The following LRRC8B variants were observed in gnomAD, a reference collection of about 807,000 sequenced individuals.
The protein encoded by LRRC8B is leucine rich repeat containing 8 VRAC subunit B.
LRRC8B carries 23 observed loss-of-function variants against 58.8 expected under a neutral mutation model. The observed-to-expected ratio is 0.39, with a 90% confidence interval of 0.28 to 0.55. The LOEUF is 0.55. Ranked by LOEUF, LRRC8B falls within the 20% of genes least tolerant of loss-of-function variation. The probability of loss-of-function intolerance (pLI) is 0.62; values close to 1 mark genes in which losing one functional copy is unlikely to be tolerated. For missense variants in LRRC8B, 694 were observed against 936.0 expected (o/e 0.74, Z 3.37); for synonymous variants, 359 against 374.1 (o/e 0.96, Z 0.47).
chr1:89,552,611 G>A lies in LRRC8B; in HGVS notation c.-240-15636G>A, dbSNP rs543705387. Among the ~76,000 whole-genome samples the A allele has an allele frequency of 3.3e-5, 5 of 152,254 alleles. No homozygotes were observed. The East Asian group carries it at 9.6e-4, about 29-fold the overall frequency. On this transcript the variant is annotated intron_variant, in intron 1 of 5. Transcript: ENST00000330947. ...CCACAGAAAAATAATTAAGAGAAATGTGATTTACTTGTTACCTAAGAAGCA... is the reference window on the plus strand; with the variant it reads ...CCACAGAAAAATAATTAAGAGAAATATGATTTACTTGTTACCTAAGAAGCA...
chr1:89,557,244 G>C (rs1165283900), intron 1 of LRRC8B, among the ~76,000 whole-genome samples: 1 of 152,008 alleles, frequency 6.6e-6, no homozygotes. Flanking sequence ...TTCACAGTAG[G>C]ACCCAAATAT....
chr1:89,527,360 C>T (rs982440808), intron 1 of LRRC8B, among the ~76,000 whole-genome samples: 40 of 152,180 alleles, frequency 2.6e-4, no homozygotes, highest in Admixed American at 1.3e-3. Flanking sequence ...TTCTACCACA[C>T]CCTGATATTA....
chr1:89,545,858 C>T (rs1265554724), intron 1 of LRRC8B, among the ~76,000 whole-genome samples: 7 of 152,004 alleles, frequency 4.6e-5, no homozygotes, highest in East Asian at 1.9e-4. Flanking sequence ...AGGGGGTGGA[C>T]GGGAAATGTT....
chr1:89,585,734 G>A (rs974810665), intron 5 of LRRC8B, among the ~76,000 whole-genome samples: 18 of 151,990 alleles, frequency 1.2e-4, no homozygotes, highest in African/African-American at 4.3e-4. Flanking sequence ...GCTTGAACCC[G>A]GGAGGTGGAG....
intron 1 of LRRC8B, among the ~76,000 whole-genome samples, chr1:89,530,291 G>A (rs570532734): frequency 9.8e-4 from 148 of 151,774 alleles, no homozygotes; most frequent in African/African-American, 3.2e-3. Context: ...CCCGGGAGGC[G>A]GAGCTTGCAG....
At chr1:89,535,003 C>T (rs1436434144) in intron 1 of LRRC8B, among the ~76,000 whole-genome samples, 1 of 151,854 alleles carries the variant, frequency 6.6e-6, no homozygotes, top group Non-Finnish European at 1.5e-5. Flanking sequence ...ATTTTTACAC[C>T]CCAAGGCAAT....
intron 1 of LRRC8B, among the ~76,000 whole-genome samples, chr1:89,531,832 A>G (rs1650157808): frequency 6.6e-6 from 1 of 152,182 alleles, no homozygotes; most frequent in African/African-American, 2.4e-5. Flanking sequence ...TTCAATCATA[A>G]TGCAGTTTCT....
chr1:89,557,993 T>C (rs1229917278), intron 1 of LRRC8B, among the ~76,000 whole-genome samples: 2 of 152,040 alleles, frequency 1.3e-5, no homozygotes, highest in Non-Finnish European at 2.9e-5. Context: ...TCTGTAAGCA[T>C]AGACACCAGT....
chr1:89,563,013 G>A (rs1195921976), intron 1 of LRRC8B, among the ~76,000 whole-genome samples: 1 of 152,042 alleles, frequency 6.6e-6, no homozygotes, highest in African/African-American at 2.4e-5. Flanking sequence ...TATGAACAAA[G>A]CAAATTCAAC....
chr1:89,538,310 G>A (rs1650690198), intron 1 of LRRC8B, among the ~76,000 whole-genome samples: 1 of 152,196 alleles, frequency 6.6e-6, no homozygotes, highest in Non-Finnish European at 1.5e-5. Flanking sequence ...GAAGTGGGAA[G>A]ATTTCTCTTT....
intron 3 of LRRC8B, chr1:89,572,704 A>C (rs1653556562): frequency 6.6e-6 from 1 of 152,132 alleles, no homozygotes; most frequent in African/African-American, 2.4e-5. Flanking sequence ...GGTGGTCAGG[A>C]AAATAGTCTT....
intron 3 of LRRC8B, among the ~76,000 whole-genome samples, chr1:89,578,357 A>G (rs1218679077): frequency 6.6e-6 from 1 of 152,222 alleles, no homozygotes; most frequent in Non-Finnish European, 1.5e-5. Flanking sequence ...TGTCTTTATC[A>G]TGCTCAGTGC....
intron 1 of LRRC8B, among the ~76,000 whole-genome samples, chr1:89,539,502 A>G (rs1425749989): frequency 2.6e-5 from 4 of 152,218 alleles, no homozygotes; most frequent in Admixed American, 1.3e-4. Context: ...TTTGGACCCT[A>G]CAATTCCCAT....
rs1450995233 is a variant in LRRC8B, at chr1:89,596,179, C to T, written c.*3136C>T. 6.6e-6 allele frequency: 1 copy of T among 152,008 alleles called. No individual in the cohort carries two copies. Among genetic ancestry groups the T allele is most frequent in the African/African-American group, 2.4e-5 (1 of 41,394 alleles). 9.4% of individuals were successfully genotyped at this position (152,008 alleles called of 1,614,324 possible). A position where few individuals can be genotyped will look rare whatever the true frequency, so the allele number is the denominator to read the frequency against. ...TGACATTTAGAAGAAATCACATGCT[C>T]AACCTTAATCTGAGAACCTAAGTGT... On this transcript the variant is annotated 3_prime_UTR_variant, in exon 6 of 6. Coordinates refer to ENST00000330947, the MANE Select transcript of LRRC8B (RefSeq NM_001369817.2).
rs767665448 is a variant in LRRC8B, at chr1:89,584,798, A to T, written c.2139+9A>T. 4 of 1,553,584 alleles carry T rather than the reference A, an allele frequency of 2.6e-6. No homozygotes were observed. Among genetic ancestry groups the T allele is most frequent in the Non-Finnish European group, 3.5e-6 (4 of 1,141,452 alleles). On this transcript the variant is annotated intron_variant, in intron 5 of 5. Coordinates refer to ENST00000330947, the MANE Select transcript of LRRC8B (RefSeq NM_001369817.2). ...CTGTGACCAACAACAATGTAAGTAA[A>T]TCCATTCTTTCTTTTATTCAGTATC...
chr1:89,585,807 CT>C (rs376463894), intron 5 of LRRC8B, among the ~76,000 whole-genome samples: 37 of 150,626 alleles, frequency 2.5e-4, no homozygotes, highest in African/African-American at 8.1e-4. Flanking sequence ...GAGACTCTGT[CT>C]CAAAAAAAAA....
chr1:89,526,281 C>A (rs933879767), intron 1 of LRRC8B, among the ~76,000 whole-genome samples: 4 of 152,204 alleles, frequency 2.6e-5, no homozygotes, highest in African/African-American at 9.7e-5. Context: ...GTAGTGCGAT[C>A]TCGGCTCACT....
intron 1 of LRRC8B, among the ~76,000 whole-genome samples, chr1:89,566,718 C>T (rs1247325316): frequency 2.0e-5 from 3 of 152,208 alleles, no homozygotes; most frequent in African/African-American, 4.8e-5. Context: ...CACCATCTCT[C>T]CTGACAAGAA....
At chr1:89,559,603 CAAAAA>C (rs1204800773) in intron 1 of LRRC8B, among the ~76,000 whole-genome samples, 31 of 131,318 alleles carry the variant, frequency 2.4e-4, no homozygotes, top group African/African-American at 7.7e-4. Flanking sequence ...GACCCTGTCT[CAAAAA>C]AAAAAAAATA....
Sources: allele counts gnomAD v4.1 joint callset (sites outside exome capture counted in the v4.1 genomes callset), GRCh38; gene constraint gnomAD v4.1.1; transcripts MANE v1.5; gene names NCBI Gene and HGNC (gene_info 2026-07-23, HGNC 2026-07-21).